TMEM74: variants seen among roughly 807,000 people sequenced by gnomAD.
TMEM74 encodes the protein transmembrane protein 74.
In TMEM74, 13 loss-of-function variants were observed where a neutral mutation model predicts 18.1. The ratio of observed to expected loss-of-function variants is 0.72; its 90% CI spans 0.47 to 1.14. The LOEUF (loss-of-function observed/expected upper bound fraction) is 1.14, where lower values mean the gene tolerates loss of function less well. Among genes scored for constraint, TMEM74 ranks in the 50% most tolerant of loss-of-function variants. The pLI, the probability that TMEM74 is intolerant of heterozygous loss-of-function variation, is 0.00. For synonymous variants in TMEM74, 159 were observed against 146.6 expected (o/e 1.08, Z -0.61); for missense variants, 372 against 375.9 (o/e 0.99, Z 0.09).
At chr8:108,756,589 A>AG (rs1813963916) in intron 1 of TMEM74, among the ~76,000 whole-genome samples, 1 of 117,496 alleles carries the variant, frequency 8.5e-6, no homozygotes, top group African/African-American at 3.8e-5. Context: ...AGAAAGAAAG[A>AG]AAGAAAGAGA....
intron 3 of TMEM74, among the ~76,000 whole-genome samples, chr8:108,608,003 G>A (rs1812293852): frequency 2.6e-5 from 4 of 151,990 alleles, no homozygotes. Flanking sequence ...GCTGATGTAG[G>A]CTATGTAGAG....
At chr8:108,746,374 T>G (rs972450614) in intron 1 of TMEM74, among the ~76,000 whole-genome samples, 9 of 152,020 alleles carry the variant, frequency 5.9e-5, no homozygotes, top group Non-Finnish European at 1.0e-4. Context: ...TTTTATATCT[T>G]GTATGTGCAC....
chr8:108,699,461 T>C (rs768647575), intron 1 of TMEM74, among the ~76,000 whole-genome samples: 1 of 151,902 alleles, frequency 6.6e-6, no homozygotes, highest in Non-Finnish European at 1.5e-5. Flanking sequence ...TGGGTTCTGT[T>C]CTCAAAACAA....
At chr8:108,610,805 C>G (rs775442759) in intron 2 of TMEM74, among the ~76,000 whole-genome samples, 1 of 152,144 alleles carries the variant, frequency 6.6e-6, no homozygotes, top group Non-Finnish European at 1.5e-5. Flanking sequence ...GGCTTCTCCT[C>G]TGAATAAGTT....
intron 2 of TMEM74, among the ~76,000 whole-genome samples, chr8:108,616,258 A>G (rs1364572753): frequency 6.6e-6 from 1 of 152,146 alleles, no homozygotes; most frequent in Non-Finnish European, 1.5e-5. Flanking sequence ...ACACCATACC[A>G]TTCCACACAG....
intron 2 of TMEM74, among the ~76,000 whole-genome samples, chr8:108,635,664 G>A (rs1812599992): frequency 6.6e-6 from 1 of 151,904 alleles, no homozygotes; most frequent in Non-Finnish European, 1.5e-5. Context: ...TTTCTGTTTA[G>A]CTGACATCTA....
chr8:108,732,076 G>C (rs1813701081), intron 1 of TMEM74, among the ~76,000 whole-genome samples: 1 of 152,060 alleles, frequency 6.6e-6, no homozygotes, highest in African/African-American at 2.4e-5. Context: ...TGTACATGCA[G>C]TTCTAAGACA....
intron 2 of TMEM74, among the ~76,000 whole-genome samples, chr8:108,613,544 TA>T (rs1380901702): frequency 2.0e-5 from 3 of 152,258 alleles, no homozygotes; most frequent in Non-Finnish European, 4.4e-5. Context: ...CAAATCCACG[TA>T]TTTTTTTATT....
In TMEM74 at chr8:108,647,985, T is replaced by C. The variant is rs377523431; in HGVS notation, n.264+7308A>G. ...GGAAAAGATAATGCATTTTGAGCATTCTAGGCAAGGGAAATAGCCATGCAA... is the reference window on the plus strand; with the variant it reads ...GGAAAAGATAATGCATTTTGAGCATCCTAGGCAAGGGAAATAGCCATGCAA... On this transcript the variant is annotated intron_variant and non_coding_transcript_variant, in intron 2 of 3. Transcript: ENST00000518838. Among the ~76,000 whole-genome samples, 91 of 152,238 alleles carry C rather than the reference T, an allele frequency of 6.0e-4. 1 individual carries two copies. Among genetic ancestry groups the C allele is most frequent in the African/African-American group, 2.1e-3 (87 of 41,550 alleles).
At chr8:108,710,806 GTC>G (rs376474795) in intron 1 of TMEM74, among the ~76,000 whole-genome samples, 1 of 152,090 alleles carries the variant, frequency 6.6e-6, no homozygotes. Flanking sequence ...AGCTCTGACT[GTC>G]TCTCTCTCTC....
chr8:108,712,164 A>G (rs1164368758), intron 1 of TMEM74, among the ~76,000 whole-genome samples: 2 of 152,126 alleles, frequency 1.3e-5, no homozygotes, highest in Non-Finnish European at 2.9e-5. Context: ...ATTCTGATGC[A>G]TGCTTAAGTT....
At chr8:108,742,275 T>G (rs558689933) in intron 1 of TMEM74, among the ~76,000 whole-genome samples, 1 of 152,134 alleles carries the variant, frequency 6.6e-6, no homozygotes, top group Non-Finnish European at 1.5e-5. Context: ...AATCTTCACA[T>G]GTACCCCCGA....
chr8:108,618,651 C>T (rs574382521), intron 2 of TMEM74, among the ~76,000 whole-genome samples: 105 of 152,196 alleles, frequency 6.9e-4, no homozygotes, highest in African/African-American at 2.1e-3. Context: ...TAGGGACTGA[C>T]GCACTGAAAA....
At chr8:108,673,045 G>A (rs570997195) in intron 1 of TMEM74, among the ~76,000 whole-genome samples, 5 of 152,152 alleles carry the variant, frequency 3.3e-5, no homozygotes, top group South Asian at 2.1e-4. Flanking sequence ...TAGCAGAGAC[G>A]TAAATAGAGC....
intron 2 of TMEM74, among the ~76,000 whole-genome samples, chr8:108,618,530 A>G (rs992982839): frequency 5.3e-5 from 8 of 152,198 alleles, no homozygotes; most frequent in African/African-American, 1.9e-4. Context: ...TGTGTACTAT[A>G]TGAAAGTAGC....
intron 2 of TMEM74, among the ~76,000 whole-genome samples, chr8:108,624,549 C>A (rs1812476121): frequency 6.6e-6 from 1 of 152,084 alleles, no homozygotes; most frequent in Non-Finnish European, 1.5e-5. Flanking sequence ...AATAGATATG[C>A]AAATATATTC....
At chr8:108,741,170 G>A (rs1813796547) in intron 1 of TMEM74, among the ~76,000 whole-genome samples, 1 of 152,084 alleles carries the variant, frequency 6.6e-6, no homozygotes, top group Admixed American at 6.5e-5. Flanking sequence ...ACCTATGTGA[G>A]AAAACTACTT....
chr8:108,619,194 A>G lies in TMEM74; in HGVS notation n.265-10368T>C, dbSNP rs1228044889. Among the ~76,000 whole-genome samples the G allele has an allele frequency of 2.0e-5, 3 of 152,212 alleles. No homozygotes were observed. The South Asian group carries it at 6.2e-4, about 32-fold the overall frequency. On this transcript the variant is annotated intron_variant and non_coding_transcript_variant, in intron 2 of 3. Coordinates refer to the TMEM74 transcript ENST00000518838. ...CAAATTCAGATATTTATGTTTTTAT[A>G]TCCAAATGGCAAAATAAGTATTAGA...
At chr8:108,721,159 G>A (rs928187998) in intron 1 of TMEM74, among the ~76,000 whole-genome samples, 9 of 152,150 alleles carry the variant, frequency 5.9e-5, no homozygotes, top group African/African-American at 2.2e-4. Flanking sequence ...TGAGTAATGT[G>A]CTGGAGATAC....
Sources: allele counts gnomAD v4.1 joint callset (sites outside exome capture counted in the v4.1 genomes callset), GRCh38; gene constraint gnomAD v4.1.1; transcripts MANE v1.5; gene names NCBI Gene and HGNC (gene_info 2026-07-23, HGNC 2026-07-21).